CACNA1C: variants seen among roughly 807,000 people sequenced by gnomAD.
The protein encoded by CACNA1C is calcium voltage-gated channel subunit alpha1 C.
CACNA1C carries 30 observed loss-of-function variants against 229.0 expected under a neutral mutation model. That is an observed-to-expected ratio of 0.13 (90% CI 0.10 to 0.18). The LOEUF is 0.18. CACNA1C is among the 10% of genes least tolerant of loss of function. The pLI, the probability that CACNA1C is intolerant of heterozygous loss-of-function variation, is 1.00. For missense variants in CACNA1C, 1,658 were observed against 2,845.0 expected, an observed-to-expected ratio of 0.58 and a Z score of 9.49; for synonymous variants, 1,114 against 1,132.5, an observed-to-expected ratio of 0.98 and a Z score of 0.33.
intron 18 of CACNA1C, among the ~76,000 whole-genome samples, chr12:2,591,528 T>C (rs1176871407): frequency 2.0e-5 from 3 of 152,166 alleles, no homozygotes; most frequent in Admixed American, 2.0e-4. Context: ...CTGGGATCCA[T>C]GGAAAGGTCA....
rs759324264 is a variant in CACNA1C at position 1,971,070 on chromosome 12, G to C, written c.8G>C (p.Arg3Pro). The change falls in exon 1 of 47, where the codon CGA becomes CCA. Residue 3 changes from arginine (R) to proline (P), a missense_variant. By Grantham distance (103) the Arg-to-Pro change is moderately radical (BLOSUM62 -2). Transcript: ENST00000682462. The surrounding 1 kb of genome is among the most constrained non-coding windows in gnomAD (Gnocchi z 4.2). ...TACATCTGGAAATTCACAATGCTTC[G>C]AGCCTTTGTTCAGCCTGGTACGCCT... The C allele has an allele frequency of 4.7e-5, 61 of 1,288,200 alleles. No homozygotes were observed. The highest frequency in any genetic ancestry group is 7.4e-5 in the South Asian group (6 of 80,766). The allele number at this position is 1,288,200 out of a possible 1,614,324, so 79.8% of individuals were successfully genotyped here. A position where few individuals can be genotyped will look rare whatever the true frequency, so the allele number is the denominator to read the frequency against.
chr12:2,406,986 A>G (rs2098744574), intron 3 of CACNA1C, among the ~76,000 whole-genome samples: 1 of 152,156 alleles, frequency 6.6e-6, no homozygotes, highest in Admixed American at 6.5e-5. Flanking sequence ...TCAGGTTCCC[A>G]CTCGGCCCCC....
chr12:2,169,264 C>T (rs953735985), intron 3 of CACNA1C, among the ~76,000 whole-genome samples: 10 of 152,128 alleles, frequency 6.6e-5, no homozygotes, highest in Non-Finnish European at 1.2e-4. Flanking sequence ...CAGGATTGCA[C>T]GGCTTTTTAC....
Position 2,443,875 on chromosome 12 carries a change from GT to G in CACNA1C, c.478-5093del, listed in dbSNP as rs535285798. Among the ~76,000 whole-genome samples, 210 of 152,088 alleles carry G rather than the reference GT, an allele frequency of 1.4e-3. 1 individual carries two copies. Among genetic ancestry groups the G allele is most frequent in the African/African-American group, 4.1e-3 (171 of 41,492 alleles). ...GTCTTGCTTGTTTTTGTTTTTTGTT[GT>G]TTTTTTTAAAGTAATTCTAGAAGGG... On this transcript the variant is annotated intron_variant, in intron 3 of 46. Transcript: ENST00000399655.
chr12:2,685,384 T>C (rs1012093934), intron 43 of CACNA1C, among the ~76,000 whole-genome samples: 18 of 151,102 alleles, frequency 1.2e-4, no homozygotes, highest in African/African-American at 9.8e-5. Context: ...CATCAGCTCA[T>C]GCAAACACGG....
chr12:2,457,415 A>G (rs1195710694), intron 4 of CACNA1C, among the ~76,000 whole-genome samples, 152 bp from the exon 5 acceptor site: 1 of 152,048 alleles, frequency 6.6e-6, no homozygotes, highest in East Asian at 1.9e-4. Flanking sequence ...GCTTACAACC[A>G]CCCACAGACT....
chr12:2,679,896 C>A lies in CACNA1C; in HGVS notation c.5444+100C>A. ...ACGGAGGCCTCGGCCAGCCACTTGT[C>A]CCTCAAGCTTCCAGGAGGTTGCTGC... On this transcript the variant is annotated intron_variant, in intron 42 of 46. Transcript: ENST00000399655. The surrounding 1 kb of genome is among the most constrained non-coding windows in gnomAD (Gnocchi z 5.5). 1.2e-6 allele frequency: 1 copy of A among 857,550 alleles called. No homozygotes were observed. The highest frequency in any genetic ancestry group is 1.8e-6 in the Non-Finnish European group (1 of 557,160). The allele number at this position is 857,550 out of a possible 1,614,324, so 53.1% of individuals were successfully genotyped here. A position where few individuals can be genotyped will look rare whatever the true frequency, so the allele number is the denominator to read the frequency against.
chr12:2,408,561 T>C (rs545276728), intron 3 of CACNA1C, among the ~76,000 whole-genome samples: 1 of 152,000 alleles, frequency 6.6e-6, no homozygotes, highest in South Asian at 2.1e-4. Context: ...AGAACTCTGC[T>C]ATGTTATTCC....
At chr12:2,047,211 A>G (rs1216839872) in intron 1 of CACNA1C, among the ~76,000 whole-genome samples, 2 of 152,222 alleles carry the variant, frequency 1.3e-5, no homozygotes, top group East Asian at 3.8e-4. Context: ...CACCTGTACA[A>G]TGGTGGTAAG....
rs1164304156 is a variant in CACNA1C at position 2,456,886 on chromosome 12, G to A, written c.618-681G>A. Among the ~76,000 whole-genome samples, 3 of 152,372 alleles carry A rather than the reference G, an allele frequency of 2.0e-5. No individual in the cohort carries two copies. In the South Asian group the frequency reaches 6.2e-4, roughly 32 times the overall value. ...CTTTGTCCATTTTGCTATAGCCCCA[G>A]TGTCTGGAACAGTGCCCGGCACACC... On this transcript the variant is annotated intron_variant, in intron 4 of 46. Coordinates refer to ENST00000399655, the MANE Select transcript of CACNA1C (RefSeq NM_000719.7).
At chr12:2,631,333 G>A (rs1379479062) in intron 29 of CACNA1C, among the ~76,000 whole-genome samples, 1 of 152,130 alleles carries the variant, frequency 6.6e-6, no homozygotes, top group Non-Finnish European at 1.5e-5. Flanking sequence ...CTGATGCAGA[G>A]AATTCCTGGA....
chr12:2,482,316 C>A (rs1052197088), intron 5 of CACNA1C, among the ~76,000 whole-genome samples: 1 of 152,228 alleles, frequency 6.6e-6, no homozygotes, highest in African/African-American at 2.4e-5. Flanking sequence ...AGACTCAGGT[C>A]GTGGAGGCTG....
chr12:2,658,716 C>T (rs1049023750), intron 34 of CACNA1C, among the ~76,000 whole-genome samples: 1 of 152,008 alleles, frequency 6.6e-6, no homozygotes, highest in African/African-American at 2.4e-5. Context: ...GAGATGACAG[C>T]TCCATGCATG....
chr12:2,220,665 G>C (rs2061231196), intron 3 of CACNA1C: 1 of 152,230 alleles, frequency 6.6e-6, no homozygotes. Flanking sequence ...TTTCCGGAAG[G>C]CAGCTGGTGG....
At chr12:2,540,609 C>T (rs2099867475) in intron 9 of CACNA1C, among the ~76,000 whole-genome samples, 1 of 152,104 alleles carries the variant, frequency 6.6e-6, no homozygotes, top group South Asian at 2.1e-4. Flanking sequence ...CACGGCAGTC[C>T]CAGGAGGACT....
chr12:2,081,511 C>T (rs1394857436), intron 1 of CACNA1C, among the ~76,000 whole-genome samples: 4 of 151,632 alleles, frequency 2.6e-5, no homozygotes, highest in Non-Finnish European at 5.9e-5. Flanking sequence ...GTGGAGCTTG[C>T]AGTGAGCCGA....
chr12:1,987,709 TCA>T (rs1200310196), intron 1 of CACNA1C, among the ~76,000 whole-genome samples: 1 of 152,194 alleles, frequency 6.6e-6, no homozygotes, highest in Non-Finnish European at 1.5e-5. Flanking sequence ...ACACACAAAT[TCA>T]CACACAGATA....
At chr12:2,044,658 C>A (rs1192046971) in intron 1 of CACNA1C, among the ~76,000 whole-genome samples, 1 of 152,108 alleles carries the variant, frequency 6.6e-6, no homozygotes, top group African/African-American at 2.4e-5. Flanking sequence ...CAGGTTGACC[C>A]AAGGGTATCC....
chr12:2,105,513 C>T (rs1295517197), intron 1 of CACNA1C, among the ~76,000 whole-genome samples: 2 of 152,214 alleles, frequency 1.3e-5, no homozygotes, highest in African/African-American at 2.4e-5. Context: ...GAAAATAGCT[C>T]AGGTAGGAGG....
Sources: gnomAD v4.1 joint callset for allele counts (sites outside exome capture counted in the v4.1 genomes callset) on GRCh38, gnomAD v4.1.1 for gene constraint, Gnocchi (gnomAD v3.1) non-coding constraint, MANE v1.5 for transcripts, NCBI Gene and HGNC (gene_info 2026-07-23, HGNC 2026-07-21) for gene names.